Variants in SEMA5B observed in about 807,000 individuals in gnomAD.
SEMA5B encodes the protein semaphorin 5B, also known as semaphorin-5B.
SEMA5B carries 66 observed loss-of-function variants against 135.0 expected under a neutral mutation model. The observed-to-expected ratio is 0.49, with a 90% CI of 0.40 to 0.60. The LOEUF (loss-of-function observed/expected upper bound fraction) is 0.60. Among genes scored for constraint, SEMA5B ranks in the 20% least tolerant of loss-of-function variants. The probability of loss-of-function intolerance (pLI) is 0.00; values close to 1 mark genes in which losing one functional copy is unlikely to be tolerated. For synonymous variants in SEMA5B, 690 were observed against 639.5 expected (o/e 1.08, Z -1.19); for missense variants, 1,501 against 1,566.3 (o/e 0.96, Z 0.70).
Position 122,926,460 on chromosome 3 carries a change from A to G in SEMA5B, c.1068T>C (p.Tyr356=), listed in dbSNP as rs1938637172. The G allele has an allele frequency of 2.5e-6, 4 of 1,614,206 alleles. No individual in the cohort carries two copies. The highest frequency in any genetic ancestry group is 1.7e-5 in the Admixed American group (1 of 60,022). ...AGTGGAAGGCACTCTGCAGCTCGTT[A>G]TAGTAGAAGGGGACCTCGCCCGGGC... ...CSRPGEVPFY[Y]NELQSAFHLP... is the part of the protein sequence containing the mutation. Residue 356 remains tyrosine, a synonymous_variant, in exon 9 of 23, where the codon TAT becomes TAC. Transcript: ENST00000357599.
chr3:122,946,791 C>A (rs565765335), intron 3 of SEMA5B, among the ~76,000 whole-genome samples: 1 of 152,180 alleles, frequency 6.6e-6, no homozygotes, highest in South Asian at 2.1e-4. Flanking sequence ...ATTCAGCAAA[C>A]GGATAGGAAA....
intron 1 of SEMA5B, among the ~76,000 whole-genome samples, chr3:123,014,761 G>A (rs1417002598): frequency 6.6e-6 from 1 of 152,210 alleles, no homozygotes; most frequent in East Asian, 1.9e-4. Context: ...ATAAATTAGG[G>A]AAAAATGTAG....
At chr3:122,976,502 G>T (rs750160553) in intron 1 of SEMA5B, among the ~76,000 whole-genome samples, 8 of 152,082 alleles carry the variant, frequency 5.3e-5, no homozygotes, top group Non-Finnish European at 1.2e-4. Context: ...AATTGATCTG[G>T]GGTTGGGCCT....
chr3:122,912,643 A>G (rs1004941400), intron 18 of SEMA5B, among the ~76,000 whole-genome samples, 200 bp downstream of exon 18: 7 of 151,036 alleles, frequency 4.6e-5, no homozygotes, highest in African/African-American at 1.7e-4. Flanking sequence ...AGGGAGGATA[A>G]GTTGAGGCCG....
At chr3:122,938,377 C>A (rs1939396451) in intron 5 of SEMA5B, among the ~76,000 whole-genome samples, 1 of 152,154 alleles carries the variant, frequency 6.6e-6, no homozygotes, top group African/African-American at 2.4e-5. Context: ...TTCCTCCCAA[C>A]CCTTCCCTTC....
chr3:122,948,479 CAG>C, intron 3 of SEMA5B, 25 bp downstream of exon 3: 1 of 1,575,290 alleles, frequency 6.3e-7, no homozygotes, highest in Non-Finnish European at 8.7e-7. Context: ...CATTGCAAGA[CAG>C]GGCCAAGTAG....
intron 1 of SEMA5B, among the ~76,000 whole-genome samples, chr3:122,994,495 C>A (rs866184227): frequency 6.6e-6 from 1 of 152,110 alleles, no homozygotes; most frequent in African/African-American, 2.4e-5. Context: ...CGTTTCCCTG[C>A]CATGATGGGT....
chr3:122,910,072 C>T lies in SEMA5B; in HGVS notation c.*71G>A, dbSNP rs916820997. On this transcript the variant is annotated 3_prime_UTR_variant, in exon 23 of 23. Transcript: ENST00000357599. Reference sequence around the variant, plus strand: ...GTGCAGAGGGAGAAAACCAAACTGGCTCCACTGTCCCATCTCCATCTGCTC... The same window carrying T: ...GTGCAGAGGGAGAAAACCAAACTGGTTCCACTGTCCCATCTCCATCTGCTC... 24 of 1,525,994 alleles carry T rather than the reference C, an allele frequency of 1.6e-5. No homozygotes were observed. Among genetic ancestry groups the T allele is most frequent in the Admixed American group, 5.8e-5 (3 of 51,902 alleles). The allele number at this position is 1,525,994 out of a possible 1,614,324, so 94.5% of individuals were successfully genotyped here.
At position 122,913,213 on chromosome 3, in the gene SEMA5B, G is replaced by A; in HGVS notation, c.2492C>T (p.Ser831Phe). ...GCGCGGGGTACCGTCGGTGTCGCAG[G>A]AGCCGGAGCCGTCCGCGGGACAGGT... ...TRTCPADGSG[S>F]CDTDALVEVL... The change falls in exon 17 of 23, where the codon TCC becomes TTC. Residue 831 changes from serine (S) to phenylalanine (F), a missense_variant. Ser to Phe is a radical substitution (Grantham distance 155). Transcript: ENST00000357599. 1.3e-6 allele frequency: 2 copies of A among 1,567,906 alleles called. No individual in the cohort carries two copies. Among genetic ancestry groups the A allele is most frequent in the Non-Finnish European group, 1.7e-6 (2 of 1,166,576 alleles).
intron 1 of SEMA5B, among the ~76,000 whole-genome samples, chr3:122,969,257 C>T (rs762388635): frequency 2.0e-5 from 3 of 152,196 alleles, no homozygotes; most frequent in African/African-American, 4.8e-5. Flanking sequence ...CTCTTTGATG[C>T]CAAAGCGCAT....
At chr3:122,934,866 C>G in intron 5 of SEMA5B, among the ~76,000 whole-genome samples, 1 of 70,226 alleles carries the variant, frequency 1.4e-5, no homozygotes, top group Non-Finnish European at 3.1e-5. Flanking sequence ...AGAGTCAGAC[C>G]CACCTCAAAA....
At chr3:122,973,541 T>C (rs898024898) in intron 1 of SEMA5B, among the ~76,000 whole-genome samples, 1 of 152,218 alleles carries the variant, frequency 6.6e-6, no homozygotes, top group African/African-American at 2.4e-5. Context: ...TAAAGAACAC[T>C]GAGGCCAGTT....
At chr3:122,938,198 C>A (rs987135737) in intron 5 of SEMA5B, among the ~76,000 whole-genome samples, 1 of 152,206 alleles carries the variant, frequency 6.6e-6, no homozygotes, top group Non-Finnish European at 1.5e-5. Flanking sequence ...ATGCCTTGTA[C>A]CATGCCTAGG....
intron 1 of SEMA5B, among the ~76,000 whole-genome samples, chr3:123,021,873 T>A (rs1942688678): frequency 6.6e-6 from 1 of 152,178 alleles, no homozygotes; most frequent in South Asian, 2.1e-4. Context: ...ACCTTCCAGA[T>A]GATATTTGGC....
chr3:123,014,392 G>A (rs1942504760), intron 1 of SEMA5B, among the ~76,000 whole-genome samples: 1 of 152,248 alleles, frequency 6.6e-6, no homozygotes, highest in African/African-American at 2.4e-5. Flanking sequence ...TGGTAGACAA[G>A]GGAAATGGGG....
chr3:122,940,624 G>C (rs1289191984), intron 4 of SEMA5B, among the ~76,000 whole-genome samples: 1 of 152,256 alleles, frequency 6.6e-6, no homozygotes, highest in Non-Finnish European at 1.5e-5. Flanking sequence ...AGTGGGACCG[G>C]AAGAGAAAGA....
chr3:122,971,719 G>A (rs1428379493), intron 1 of SEMA5B, among the ~76,000 whole-genome samples: 3 of 152,232 alleles, frequency 2.0e-5, no homozygotes, highest in African/African-American at 7.2e-5. Flanking sequence ...TGCCCAAGGA[G>A]CCTTCCCCAA....
chr3:122,939,698 G>C (rs952216429), intron 4 of SEMA5B, among the ~76,000 whole-genome samples: 1 of 152,168 alleles, frequency 6.6e-6, no homozygotes, highest in African/African-American at 2.4e-5. Context: ...TGGGTAAATG[G>C]CCCAAGTCAC....
chr3:123,010,808 C>CAAA (rs138507516), intron 1 of SEMA5B, among the ~76,000 whole-genome samples: 9 of 63,402 alleles, frequency 1.4e-4, no homozygotes, highest in Non-Finnish European at 1.8e-4. Context: ...GTCTCCATCT[C>CAAA]AAAAAAAAAA....
Sources: allele counts gnomAD v4.1 joint callset (sites outside exome capture counted in the v4.1 genomes callset), GRCh38; gene constraint gnomAD v4.1.1; transcripts MANE v1.5; gene names NCBI Gene and HGNC (gene_info 2026-07-23, HGNC 2026-07-21).